PCDHA6: variants seen among roughly 807,000 people sequenced by gnomAD.
PCDHA6 encodes protocadherin alpha-6.
PCDHA6 carries 55 observed loss-of-function variants against 60.3 expected under a neutral mutation model. That is an observed-to-expected ratio of 0.91 (90% CI 0.73 to 1.14). The LOEUF is 1.14. Ranked by LOEUF, PCDHA6 falls within the 50% of genes most tolerant of loss-of-function variation. The probability of loss-of-function intolerance (pLI) is 0.00; values close to 1 mark genes in which losing one functional copy is unlikely to be tolerated. For synonymous variants in PCDHA6, 652 were observed against 557.9 expected (o/e 1.17, Z -2.38); for missense variants, 1,327 against 1,256.5 (o/e 1.06, Z -0.85).
At chr5:140,833,033 G>T (rs892689957) in intron 1 of PCDHA6, among the ~76,000 whole-genome samples, 2 of 152,156 alleles carry the variant, frequency 1.3e-5, no homozygotes, top group Non-Finnish European at 2.9e-5. Flanking sequence ...GAGAGAGTGT[G>T]ATATAAAGCA....
At chr5:140,883,773 G>C (rs1362933627) in intron 1 of PCDHA6, 11 of 1,612,372 alleles carry the variant, frequency 6.8e-6, no homozygotes, top group Non-Finnish European at 9.3e-6. Context: ...GTGGGCGAGC[G>C]TGCGCTGTCG....
chr5:140,953,522 G>A (rs246031), intron 1 of PCDHA6, among the ~76,000 whole-genome samples: 85,599 of 151,862 alleles, frequency 0.56, 24,738 homozygotes, highest in African/African-American at 0.69. Flanking sequence ...CAACAAAAAC[G>A]GGAAACTCAC....
chr5:140,870,718 G>C (rs2052330987), intron 1 of PCDHA6: 2 of 1,613,062 alleles, frequency 1.2e-6, no homozygotes. Context: ...CGCGCGCGAT[G>C]CGGGCGTGCC....
intron 1 of PCDHA6, chr5:140,871,254 T>C (rs2052877149): frequency 6.8e-6 from 11 of 1,613,826 alleles, no homozygotes; most frequent in Admixed American, 1.7e-5. Context: ...TGCTGCTGTA[T>C]ACGGCGCTGT....
intron 3 of PCDHA6, among the ~76,000 whole-genome samples, chr5:141,001,711 A>G (rs1167965864): frequency 1.3e-5 from 2 of 152,222 alleles, no homozygotes; most frequent in South Asian, 2.1e-4. Context: ...GGGGGCGGGG[A>G]AGGAGCTTGA....
At chr5:140,995,203 T>G (rs2097669345) in intron 3 of PCDHA6, among the ~76,000 whole-genome samples, 2 of 152,180 alleles carry the variant, frequency 1.3e-5, no homozygotes, top group African/African-American at 2.4e-5. Flanking sequence ...ATTTATAAAT[T>G]AGGCACAATA....
At chr5:140,967,051 G>A in intron 1 of PCDHA6, 1 of 1,612,562 alleles carries the variant, frequency 6.2e-7, no homozygotes, top group Non-Finnish European at 8.5e-7. Context: ...TGGACCTGAC[G>A]AGTGGAGCGC....
chr5:140,997,123 A>T (rs1409528818), intron 3 of PCDHA6, among the ~76,000 whole-genome samples: 1 of 152,070 alleles, frequency 6.6e-6, no homozygotes, highest in African/African-American at 2.4e-5. Flanking sequence ...TCCCACATAC[A>T]CAATGCCCCC....
At chr5:140,856,117 G>A in intron 1 of PCDHA6, 1 of 1,598,170 alleles carries the variant, frequency 6.3e-7, no homozygotes, top group East Asian at 2.2e-5. Context: ...TCGCAGCCTG[G>A]GAGGTGGGGA....
chr5:140,836,700 A>G (rs1488520906), intron 1 of PCDHA6: 1 of 1,613,320 alleles, frequency 6.2e-7, no homozygotes, highest in African/African-American at 1.3e-5. Context: ...CATGGCCTTC[A>G]GTCCCAGCCT....
intron 3 of PCDHA6, among the ~76,000 whole-genome samples, chr5:140,983,718 T>C (rs2097062684): frequency 6.6e-6 from 1 of 152,248 alleles, no homozygotes; most frequent in South Asian, 2.1e-4. Context: ...CTAGCACTTA[T>C]ATTCATAACA....
chr5:140,885,469 C>T (rs1338782835), intron 1 of PCDHA6, among the ~76,000 whole-genome samples: 1 of 152,156 alleles, frequency 6.6e-6, no homozygotes, highest in Admixed American at 6.5e-5. Flanking sequence ...GATGGGCAAT[C>T]ACTTTGTGTC....
At position 140,927,496 on chromosome 5, in the gene PCDHA6, G is replaced by A. The variant is rs1206944698; in HGVS notation, c.2395-51453G>A. ...CGAACAGCGCGCCACCCACCTGCTG[G>A]TGCTTACAGCTCGGGACGGCGGGCT... On this transcript the variant is annotated intron_variant, in intron 1 of 3. Coordinates refer to ENST00000529310, the MANE Select transcript of PCDHA6 (RefSeq NM_018909.4). 10 of 1,614,026 alleles carry A rather than the reference G, an allele frequency of 6.2e-6. No individual in the cohort carries two copies. In the African/African-American group the frequency reaches 8.0e-5, roughly 13 times the overall value.
chr5:141,001,401 G>A (rs190876782), intron 3 of PCDHA6, among the ~76,000 whole-genome samples: 12 of 152,314 alleles, frequency 7.9e-5, no homozygotes, highest in African/African-American at 2.4e-4. Context: ...AGAGAACAGG[G>A]AGTATATTTT....
At position 140,846,335 on chromosome 5, in the gene PCDHA6, T is replaced by C. The variant is rs2150387066; in HGVS notation, c.2394+15850T>C. On this transcript the variant is annotated intron_variant, in intron 1 of 3. Transcript: ENST00000529310. The stretch of plus-strand genomic sequence containing the variant: ...ATGTAGAGTGTTGTAAATAGCCTTT[T>C]AAAGTGCTTTCTCTTTTTTCTTTTC... Among the ~76,000 whole-genome samples, 8 of 148,836 alleles carry C rather than the reference T, an allele frequency of 5.4e-5. 1 individual carries two copies. Among genetic ancestry groups the C allele is most frequent in the African/African-American group, 2.0e-4 (8 of 40,850 alleles).
Position 140,877,800 on chromosome 5 carries a change from T to G in PCDHA6, c.2394+47315T>G. 2.5e-6 allele frequency: 4 copies of G among 1,613,522 alleles called. No homozygotes were observed. In the Middle Eastern group the frequency reaches 5.0e-4, roughly 200 times the overall value. On this transcript the variant is annotated intron_variant, in intron 1 of 3. Transcript: ENST00000529310. ...ACCTCATGGCCTTCAGCCCAAGCCT[T>G]CAGCTGTCTCGAGAAGATTGTTTAA...
chr5:140,968,323 C>G, intron 1 of PCDHA6: 1 of 1,614,114 alleles, frequency 6.2e-7, no homozygotes, highest in Non-Finnish European at 8.5e-7. Flanking sequence ...TGCCAGTCAC[C>G]TCCTATGTCT....
At position 140,975,481 on chromosome 5, in the gene PCDHA6, T is replaced by C. The variant is rs566642912; in HGVS notation, c.2395-3468T>C. Among the ~76,000 whole-genome samples, 225 of 152,370 alleles carry C rather than the reference T, an allele frequency of 1.5e-3. 1 individual carries two copies. The highest frequency in any genetic ancestry group is 5.2e-3 in the African/African-American group (216 of 41,590). ...TCTTGGAATTCTGCCTATCAGTTTA[T>C]ATCAATGTTCATAAAATAGCACTAT... On this transcript the variant is annotated intron_variant, in intron 1 of 3. Transcript: ENST00000529310.
At chr5:141,005,796 AAC>A (rs2098240426) in intron 3 of PCDHA6, among the ~76,000 whole-genome samples, 1 of 151,400 alleles carries the variant, frequency 6.6e-6, no homozygotes, top group Admixed American at 6.6e-5. Flanking sequence ...AGGCAAAAAC[AAC>A]TCCAAGGAGC....
Sources: allele counts gnomAD v4.1 joint callset (sites outside exome capture counted in the v4.1 genomes callset), GRCh38; gene constraint gnomAD v4.1.1; transcripts MANE v1.5; gene names NCBI Gene and HGNC (gene_info 2026-07-23, HGNC 2026-07-21).